The following JAKMIP2 variants were observed in gnomAD, a reference collection of about 807,000 sequenced individuals.
JAKMIP2 encodes janus kinase and microtubule-interacting protein 2.
A neutral mutation model predicts 115.0 loss-of-function variants in JAKMIP2; 25 were observed. The observed-to-expected ratio is 0.22, with a 90% CI of 0.16 to 0.30. The LOEUF (loss-of-function observed/expected upper bound fraction) is 0.30. Among genes scored for constraint, JAKMIP2 ranks in the 10% least tolerant of loss-of-function variants. JAKMIP2 has a pLI of 1.00. For synonymous variants in JAKMIP2, 334 were observed against 343.6 expected, an observed-to-expected ratio of 0.97 and a Z score of 0.31; for missense variants, 642 against 957.6, an observed-to-expected ratio of 0.67 and a Z score of 4.35.
chr5:147,598,285 C>T (rs1755499830), intron 21 of JAKMIP2, among the ~76,000 whole-genome samples: 1 of 152,194 alleles, frequency 6.6e-6, no homozygotes, highest in Admixed American at 6.5e-5. Context: ...AGGCGTGAGC[C>T]ATCAGCGGTT....
At chr5:147,681,621 AAGAG>A (rs1287382365) in intron 1 of JAKMIP2, among the ~76,000 whole-genome samples, 1 of 152,192 alleles carries the variant, frequency 6.6e-6, no homozygotes, top group Non-Finnish European at 1.5e-5. Context: ...TGTGCTAAGC[AAGAG>A]AGACAGCATA....
intron 1 of JAKMIP2, among the ~76,000 whole-genome samples, chr5:147,673,486 G>A (rs1214442538): frequency 6.6e-6 from 1 of 152,124 alleles, no homozygotes; most frequent in Non-Finnish European, 1.5e-5. Flanking sequence ...CATGAGCACT[G>A]AAGCTATGCT....
intron 8 of JAKMIP2, among the ~76,000 whole-genome samples, chr5:147,641,458 A>T (rs539061051): frequency 1.7e-4 from 26 of 152,328 alleles, no homozygotes; most frequent in Non-Finnish European, 3.1e-4. Context: ...CATCAAACCT[A>T]GGGGCATCTC....
At chr5:147,621,108 T>C (rs1328431955) in intron 17 of JAKMIP2, among the ~76,000 whole-genome samples, 1 of 152,222 alleles carries the variant, frequency 6.6e-6, no homozygotes, top group Non-Finnish European at 1.5e-5. Flanking sequence ...GTAACATAGC[T>C]GGGTTGCATA....
chr5:147,703,375 A>T (rs12172994), intron 1 of JAKMIP2, among the ~76,000 whole-genome samples: 3 of 151,912 alleles, frequency 2.0e-5, no homozygotes, highest in Non-Finnish European at 2.9e-5. Flanking sequence ...AGGTACAATA[A>T]AAATACAAGA....
chr5:147,709,552 G>T (rs902819213), intron 1 of JAKMIP2, among the ~76,000 whole-genome samples: 5 of 152,074 alleles, frequency 3.3e-5, no homozygotes, highest in Non-Finnish European at 7.4e-5. Flanking sequence ...AAAGAAAGAG[G>T]TAAAAATATC....
At chr5:147,645,913 T>C (rs1758111290) in intron 5 of JAKMIP2, among the ~76,000 whole-genome samples, 1 of 152,224 alleles carries the variant, frequency 6.6e-6, no homozygotes, top group Non-Finnish European at 1.5e-5. Flanking sequence ...TCCTCCCCTT[T>C]ACTTTTAAAA....
intron 3 of JAKMIP2, among the ~76,000 whole-genome samples, chr5:147,657,279 C>CAAACA (rs58500462): frequency 0.25 from 37,876 of 151,386 alleles, 5,958 homozygotes; most frequent in East Asian, 0.45. Context: ...GACTCCGTCT[C>CAAACA]AAACAAAACA....
chr5:147,657,269 G>A (rs369723145), intron 3 of JAKMIP2, among the ~76,000 whole-genome samples: 51 of 150,464 alleles, frequency 3.4e-4, no homozygotes, highest in African/African-American at 1.2e-3. Flanking sequence ...GACAGAGCGA[G>A]ACTCCGTCTC....
chr5:147,745,526 C>A (rs966303212), intron 1 of JAKMIP2, among the ~76,000 whole-genome samples: 2 of 152,190 alleles, frequency 1.3e-5, no homozygotes, highest in Non-Finnish European at 2.9e-5. Context: ...CCATCCTGCC[C>A]TAATCACTCC....
chr5:147,638,306 A>G, intron 10 of JAKMIP2, among the ~76,000 whole-genome samples: 1 of 152,156 alleles, frequency 6.6e-6, no homozygotes, highest in East Asian at 1.9e-4. Context: ...TAGGTAGAAG[A>G]ATTAAATGAC....
intron 1 of JAKMIP2, among the ~76,000 whole-genome samples, chr5:147,687,098 T>C (rs1007386010): frequency 1.3e-5 from 2 of 152,182 alleles, no homozygotes; most frequent in Non-Finnish European, 2.9e-5. Context: ...CTTGTAAAGA[T>C]AATTACTGTT....
intron 14 of JAKMIP2, 38 bp downstream of exon 14, chr5:147,631,375 T>C: frequency 1.5e-6 from 2 of 1,368,680 alleles, no homozygotes; most frequent in Non-Finnish European, 2.0e-6. Context: ...CCAGTTTTTC[T>C]AATTTCTACA....
At chr5:147,710,835 G>C (rs1020038484) in intron 1 of JAKMIP2, among the ~76,000 whole-genome samples, 1 of 152,134 alleles carries the variant, frequency 6.6e-6, no homozygotes, top group African/African-American at 2.4e-5. Flanking sequence ...GCAAATGTGA[G>C]GCAATATTAT....
At chr5:147,764,943 A>G (rs868614450) in intron 1 of JAKMIP2, among the ~76,000 whole-genome samples, 7 of 93,034 alleles carry the variant, frequency 7.5e-5, no homozygotes, top group East Asian at 3.8e-4. Context: ...AGAGAGAGAG[A>G]GAGGGAGAGA....
At chr5:147,693,624 G>A (rs1751972349) in intron 1 of JAKMIP2, among the ~76,000 whole-genome samples, 1 of 151,950 alleles carries the variant, frequency 6.6e-6, no homozygotes, top group African/African-American at 2.4e-5. Context: ...TTTGTGGCAA[G>A]AGAGTAAGAG....
At chr5:147,627,668 AG>A (rs1412393748) in intron 16 of JAKMIP2, among the ~76,000 whole-genome samples, 2 of 121,096 alleles carry the variant, frequency 1.7e-5, no homozygotes, top group Non-Finnish European at 3.3e-5. Flanking sequence ...TAACAGATAA[AG>A]CCTTTCTGTA....
At chr5:147,596,526 T>A (rs1054609871) in intron 21 of JAKMIP2, among the ~76,000 whole-genome samples, 1 of 152,260 alleles carries the variant, frequency 6.6e-6, no homozygotes, top group African/African-American at 2.4e-5. Flanking sequence ...ACTCTATTCA[T>A]GGTTCTGATC....
intron 3 of JAKMIP2, among the ~76,000 whole-genome samples, chr5:147,659,653 A>T (rs570034376): frequency 1.2e-4 from 19 of 152,364 alleles, no homozygotes; most frequent in Non-Finnish European, 2.2e-4. Flanking sequence ...CTGCCTTTTC[A>T]TTGAATATTT....
Sources: gnomAD v4.1 joint callset for allele counts (sites outside exome capture counted in the v4.1 genomes callset) on GRCh38, gnomAD v4.1.1 for gene constraint, MANE v1.5 for transcripts, NCBI Gene and HGNC (gene_info 2026-07-23, HGNC 2026-07-21) for gene names.